Variants in KTN1 observed in about 807,000 individuals in gnomAD.
KTN1 encodes the protein kinectin.
Under a neutral mutation model 222.5 loss-of-function variants are expected in KTN1, and 130 were observed. That is an observed-to-expected ratio of 0.58 (90% confidence interval 0.51 to 0.68). The LOEUF is 0.68. Among genes scored for constraint, KTN1 ranks in the 30% least tolerant of loss-of-function variants. The probability of loss-of-function intolerance (pLI) is 0.00; values close to 1 mark genes in which losing one functional copy is unlikely to be tolerated. For missense variants in KTN1, 1,508 were observed against 1,500.4 expected, an observed-to-expected ratio of 1.01 and a Z score of -0.08; for synonymous variants, 512 against 496.3, an observed-to-expected ratio of 1.03 and a Z score of -0.42.
At chr14:55,679,453 C>T (rs775954921) in intron 42 of KTN1, 112 bp from the exon 43 acceptor site, 1 of 860,136 alleles carries the variant, frequency 1.2e-6, no homozygotes, top group East Asian at 2.6e-5. Flanking sequence ...TGTCATTGTT[C>T]AGATTTTTTA....
chr14:55,628,767 A>G (rs1343685360), intron 6 of KTN1, among the ~76,000 whole-genome samples: 2 of 151,902 alleles, frequency 1.3e-5, no homozygotes, highest in Non-Finnish European at 1.5e-5. Flanking sequence ...TAAAGTTGTT[A>G]ATAAAATTAG....
At chr14:55,680,040 C>CTTCCTTCCTCCT (rs2046232354) in intron 43 of KTN1, 2 of 188,868 alleles carry the variant, frequency 1.1e-5, no homozygotes, top group Admixed American at 1.2e-4. Flanking sequence ...TCCCCCCTCC[C>CTTCCTTCCTCCT]TTCCTTCCTC....
chr14:55,679,470 G>C, intron 42 of KTN1, 95 bp from the exon 43 acceptor site: 1 of 975,414 alleles, frequency 1.0e-6, no homozygotes, highest in South Asian at 1.7e-5. Flanking sequence ...TTTAATGTTT[G>C]TGTTTAAATC....
At chr14:55,603,383 A>G (rs576535449) in intron 1 of KTN1, among the ~76,000 whole-genome samples, 1 of 152,308 alleles carries the variant, frequency 6.6e-6, no homozygotes, top group East Asian at 1.9e-4. Context: ...GCTTTGGTCA[A>G]AGTCACCAGT....
At position 55,628,023 on chromosome 14, in the gene KTN1, A is replaced by C. The variant is rs1447337422; in HGVS notation, c.1075A>C (p.Thr359Pro). 1 of 1,596,028 alleles carries C rather than the reference A, an allele frequency of 6.3e-7. No homozygotes were observed. Among genetic ancestry groups the C allele is most frequent in the Admixed American group, 1.7e-5 (1 of 59,884 alleles). Residue 359 changes from threonine to proline, a missense_variant, in exon 6 of 44, where the codon ACC becomes CCC. Physicochemically the swap from Thr to Pro is conservative, Grantham distance 38 (BLOSUM62 -1). Coordinates refer to ENST00000395314, the MANE Select transcript of KTN1 (RefSeq NM_001079521.2). ...TACAAAGGATCGGTGTAAGCAGTTA[A>C]CCCAGGTGAAGACATTCTTATGTAC... Reference protein sequence around the residue: ...AATKDRCKQLTQEMMTEKERS... With the variant: ...AATKDRCKQLPQEMMTEKERS...
At chr14:55,587,918 T>C (rs2033360913) in intron 1 of KTN1, among the ~76,000 whole-genome samples, 1 of 152,206 alleles carries the variant, frequency 6.6e-6, no homozygotes, top group Non-Finnish European at 1.5e-5. Context: ...CACTCTTTTT[T>C]TTCTTTTAGT....
chr14:55,668,688 G>C (rs1198154757), intron 34 of KTN1: 1 of 152,034 alleles, frequency 6.6e-6, no homozygotes, highest in African/African-American at 2.4e-5. Context: ...GCTAAACTTT[G>C]ATAGCTTCTA....
intron 1 of KTN1, among the ~76,000 whole-genome samples, chr14:55,611,558 C>T (rs1423808256): frequency 6.6e-6 from 1 of 151,906 alleles, no homozygotes; most frequent in Non-Finnish European, 1.5e-5. Context: ...GTAAATAAAC[C>T]ACCTCTTTTT....
chr14:55,680,577 G>A, intron 43 of KTN1: 4 of 566,064 alleles, frequency 7.1e-6, no homozygotes, highest in South Asian at 5.5e-5. Context: ...CAGAACCCCT[G>A]ATAATACTGT....
chr14:55,654,521 G>A (rs1456581592), intron 28 of KTN1, among the ~76,000 whole-genome samples: 1 of 145,876 alleles, frequency 6.9e-6, no homozygotes, highest in African/African-American at 2.6e-5. Context: ...GTAATTTTAG[G>A]TATATTTCTG....
intron 24 of KTN1, chr14:55,651,308 TCTC>T (rs2042917036): frequency 2.2e-6 from 1 of 455,928 alleles, no homozygotes; most frequent in South Asian, 1.5e-5. Context: ...AGGAAAGTCT[TCTC>T]CTGAGGAACT....
rs765533436 is a variant in KTN1 at position 55,612,360 on chromosome 14, C to T, written c.312C>T (p.Val104=). ...DDQVAPVPLN[V]VETSSSVRER... Reference sequence around the variant, plus strand: ...AAGTTGCACCTGTTCCATTGAATGTCGTTGAAACTTCAAGTAGTGTTAGGG... The same window carrying T: ...AAGTTGCACCTGTTCCATTGAATGTTGTTGAAACTTCAAGTAGTGTTAGGG... The change falls in exon 2 of 44, where the codon GTC becomes GTT. Residue 104 remains valine, a synonymous_variant. Coordinates refer to ENST00000395314, the MANE Select transcript of KTN1 (RefSeq NM_001079521.2). The T allele has an allele frequency of 1.5e-5, 25 of 1,613,678 alleles. No homozygotes were observed. The highest frequency in any genetic ancestry group is 1.9e-5 in the Non-Finnish European group (23 of 1,179,870).
intron 1 of KTN1, among the ~76,000 whole-genome samples, chr14:55,587,512 T>C (rs368737010): frequency 1.3e-5 from 2 of 152,372 alleles, no homozygotes; most frequent in East Asian, 1.9e-4. Context: ...AACTCCCTAG[T>C]GTTCTGAATG....
chr14:55,635,628 A>C (rs564598851), intron 9 of KTN1, among the ~76,000 whole-genome samples: 28 of 152,342 alleles, frequency 1.8e-4, no homozygotes, highest in African/African-American at 6.7e-4. Context: ...AGATTCATTT[A>C]TCTCATTTTA....
intron 1 of KTN1, 151 bp from the exon 2 acceptor site, chr14:55,611,868 C>G (rs2037626781): frequency 2.7e-6 from 1 of 364,186 alleles, no homozygotes; most frequent in African/African-American, 2.1e-5. Context: ...GCAAATAAAT[C>G]AAGAATGTGA....
intron 42 of KTN1, 40 bp from the exon 43 acceptor site, chr14:55,679,525 T>A (rs781446850): frequency 1.3e-6 from 2 of 1,532,822 alleles, no homozygotes; most frequent in Non-Finnish European, 8.9e-7. Flanking sequence ...TTTCTTTTCC[T>A]TGTGTATGGA....
At chr14:55,600,913 T>C (rs1435209743) in intron 1 of KTN1, among the ~76,000 whole-genome samples, 1 of 152,192 alleles carries the variant, frequency 6.6e-6, no homozygotes, top group Admixed American at 6.5e-5. Context: ...AACCAGATTA[T>C]TTCCCATGGA....
chr14:55,602,828 C>T (rs1170847873), intron 1 of KTN1, among the ~76,000 whole-genome samples: 2 of 152,154 alleles, frequency 1.3e-5, no homozygotes, highest in Non-Finnish European at 2.9e-5. Flanking sequence ...AGTCCTTTCT[C>T]CTTGGCCTCC....
In KTN1 at chr14:55,630,099, T is replaced by C. The variant is rs909949178; in HGVS notation, c.1221+2T>C. The C allele has an allele frequency of 6.2e-7, 1 of 1,609,682 alleles. No homozygotes were observed. The highest frequency in any genetic ancestry group is 8.5e-7 in the Non-Finnish European group (1 of 1,177,568). On this transcript the variant is annotated splice_donor_variant, in intron 7 of 43. Transcript: ENST00000395314. LOFTEE classifies it high-confidence loss of function. ...GAGACTCAACAGATGCAGATGAAGG[T>C]ATATTTTCATTCTTTGGAAACAAGA...
Sources: allele counts gnomAD v4.1 joint callset (sites outside exome capture counted in the v4.1 genomes callset), GRCh38; gene constraint gnomAD v4.1.1; transcripts MANE v1.5; gene names NCBI Gene and HGNC (gene_info 2026-07-23, HGNC 2026-07-21).